Variants in THRB observed in about 807,000 individuals in gnomAD.
THRB encodes the protein thyroid hormone receptor beta.
Under a neutral mutation model 47.8 loss-of-function variants are expected in THRB, and 12 were observed. The ratio of observed to expected loss-of-function variants is 0.25; its 90% CI spans 0.16 to 0.41. THRB has a LOEUF of 0.41. Among genes scored for constraint, THRB ranks in the 10% least tolerant of loss-of-function variants. THRB has a pLI of 1.00. For missense variants in THRB, 348 were observed against 589.2 expected (o/e 0.59, Z 4.24); for synonymous variants, 218 against 212.2 (o/e 1.03, Z -0.24).
chr3:24,263,133 A>G (rs912327403), intron 3 of THRB, among the ~76,000 whole-genome samples: 1 of 152,170 alleles, frequency 6.6e-6, no homozygotes, highest in African/African-American at 2.4e-5. Context: ...CCTTTCAGTC[A>G]TTTATGTGCA....
intron 4 of THRB, among the ~76,000 whole-genome samples, chr3:24,221,417 T>C (rs528569977): frequency 3.9e-5 from 6 of 152,270 alleles, no homozygotes; most frequent in African/African-American, 1.4e-4. Context: ...AAAAGTTAGG[T>C]AGAGATGTGC....
intron 1 of THRB, among the ~76,000 whole-genome samples, chr3:24,448,876 A>G (rs2072361726): frequency 1.3e-5 from 2 of 152,238 alleles, no homozygotes; most frequent in Admixed American, 1.3e-4. Flanking sequence ...GAAGGACTCT[A>G]TGCCACTAGT....
intron 4 of THRB, among the ~76,000 whole-genome samples, chr3:24,191,187 G>T (rs1179366183): frequency 6.6e-6 from 1 of 151,662 alleles, no homozygotes; most frequent in East Asian, 1.9e-4. Context: ...TTCCCTGGTG[G>T]CAAATTTTAC....
At chr3:24,233,995 T>C (rs1449895424) in intron 3 of THRB, among the ~76,000 whole-genome samples, 1 of 152,202 alleles carries the variant, frequency 6.6e-6, no homozygotes, top group Admixed American at 6.5e-5. Flanking sequence ...TAAGCCTCTC[T>C]TGAGATGACC....
At chr3:24,246,353 A>G (rs74844225) in intron 3 of THRB, among the ~76,000 whole-genome samples, 2,545 of 152,222 alleles carry the variant, frequency 0.017, 62 homozygotes, top group African/African-American at 0.057. Context: ...GCAGTGGAAC[A>G]CTCACTAAGT....
intron 4 of THRB, among the ~76,000 whole-genome samples, chr3:24,196,575 T>C (rs2043977442): frequency 6.6e-6 from 1 of 152,130 alleles, no homozygotes; most frequent in Non-Finnish European, 1.5e-5. Context: ...AAACATGATT[T>C]TTAAAGAGCA....
chr3:24,352,418 G>A (rs770233620), intron 1 of THRB, among the ~76,000 whole-genome samples: 30 of 152,154 alleles, frequency 2.0e-4, no homozygotes, highest in Non-Finnish European at 3.4e-4. Context: ...AGAGAAGAGA[G>A]GTGAACGTGA....
At chr3:24,361,529 A>G (rs1449517538) in intron 1 of THRB, among the ~76,000 whole-genome samples, 1 of 152,174 alleles carries the variant, frequency 6.6e-6, no homozygotes. Context: ...AAGATAGTCT[A>G]TAAGAGCAGG....
At chr3:24,427,260 G>A (rs2069860467) in intron 1 of THRB, among the ~76,000 whole-genome samples, 1 of 152,006 alleles carries the variant, frequency 6.6e-6, no homozygotes, top group South Asian at 2.1e-4. Flanking sequence ...AACCATAGAT[G>A]TATAAATATT....
chr3:24,302,853 T>A (rs1298795027), intron 2 of THRB, among the ~76,000 whole-genome samples: 1 of 152,212 alleles, frequency 6.6e-6, no homozygotes, highest in Non-Finnish European at 1.5e-5. Flanking sequence ...AGGGACCAGA[T>A]GAATGCTTAT....
At chr3:24,281,880 G>A (rs912705125) in intron 3 of THRB, among the ~76,000 whole-genome samples, 2 of 151,478 alleles carry the variant, frequency 1.3e-5, no homozygotes, top group African/African-American at 4.9e-5. Context: ...AACAAGAAGA[G>A]CTACCTATCC....
chr3:24,494,166 G>GA, intron 1 of THRB: 1 of 152,392 alleles, frequency 6.6e-6, no homozygotes, highest in Non-Finnish European at 1.5e-5. Context: ...CGGGGCAGGC[G>GA]AAAAAGGGGG....
chr3:24,128,863 C>CTTTTTTTTTTTTTTTTTTTTTTTTT (rs57890674), intron 9 of THRB, among the ~76,000 whole-genome samples: 1 of 87,060 alleles, frequency 1.1e-5, no homozygotes, highest in Admixed American at 1.5e-4. Context: ...AAACATAACT[C>CTTTTTTTTTTTTTTTTTTTTTTTTT]TTTTTTTTTT....
chr3:24,229,394 A>AGCTT (rs1411649470), intron 3 of THRB, among the ~76,000 whole-genome samples: 1 of 152,090 alleles, frequency 6.6e-6, no homozygotes, highest in Non-Finnish European at 1.5e-5. Context: ...ATTGCCTGAG[A>AGCTT]GCTTGTGAGA....
chr3:24,422,398 G>A (rs536231885), intron 1 of THRB, among the ~76,000 whole-genome samples: 24 of 151,978 alleles, frequency 1.6e-4, no homozygotes, highest in African/African-American at 5.8e-4. Context: ...CTGTTTTGGA[G>A]GTGGAGGTGA....
At chr3:24,299,249 T>C (rs1451134756) in intron 2 of THRB, among the ~76,000 whole-genome samples, 1 of 70,190 alleles carries the variant, frequency 1.4e-5, no homozygotes, top group Non-Finnish European at 2.5e-5. Context: ...CTCAGTCTCA[T>C]AAAAAAAAAA....
intron 5 of THRB, among the ~76,000 whole-genome samples, chr3:24,152,969 AAAAAGAAAGAAAGAAAGAAAGAAAG>A (rs1438280515): frequency 1.5e-5 from 1 of 67,806 alleles, no homozygotes; most frequent in Non-Finnish European, 2.7e-5. Context: ...CCAAAAAAAA[AAAAAGAAAGAAAGAAAGAAAGAAAG>A]AAAGAAAGAA....
At chr3:24,484,819 C>A (rs1389785405) in intron 1 of THRB, among the ~76,000 whole-genome samples, 2 of 152,054 alleles carry the variant, frequency 1.3e-5, no homozygotes, top group African/African-American at 4.8e-5. Flanking sequence ...TTTGCCAACC[C>A]CTGGGCTAAA....
Position 24,209,971 on chromosome 3 carries a change from C to G in THRB, c.22+18967G>C, listed in dbSNP as rs532957529. ...GCTGTTAACAATTATTCTGTTTGTT[C>G]TGATACGTGTCTACAGATGACAGCT... On this transcript the variant is annotated intron_variant, in intron 4 of 10. Transcript: ENST00000646209. Among the ~76,000 whole-genome samples, 29 of 152,254 alleles carry G rather than the reference C, an allele frequency of 1.9e-4. 1 individual carries two copies. In the South Asian group the frequency reaches 6.0e-3, roughly 32 times the overall value.
Sources: allele counts gnomAD v4.1 joint callset (sites outside exome capture counted in the v4.1 genomes callset), GRCh38; gene constraint gnomAD v4.1.1; transcripts MANE v1.5; gene names NCBI Gene and HGNC (gene_info 2026-07-23, HGNC 2026-07-21).